Variants in LRP12 observed in about 807,000 individuals in gnomAD.
The protein encoded by LRP12 is LDL receptor related protein 12, also known as low-density lipoprotein receptor-related protein 12.
In LRP12, 14 loss-of-function variants were observed where a neutral mutation model predicts 66.0. The observed-to-expected ratio is 0.21, with a 90% CI of 0.14 to 0.33. LRP12 has a LOEUF of 0.33. Among genes scored for constraint, LRP12 ranks in the 10% least tolerant of loss-of-function variants. The probability of loss-of-function intolerance (pLI) is 1.00; values close to 1 mark genes in which losing one functional copy is unlikely to be tolerated. For missense variants in LRP12, 889 were observed against 1,053.4 expected, an observed-to-expected ratio of 0.84 and a Z score of 2.16; for synonymous variants, 357 against 359.1, an observed-to-expected ratio of 0.99 and a Z score of 0.07.
chr8:104,551,146 G>C lies in LRP12; in HGVS notation c.80-19183C>G, dbSNP rs1811719103. Among the ~76,000 whole-genome samples the C allele has an allele frequency of 2.6e-5, 4 of 152,050 alleles. No individual in the cohort carries two copies. In the South Asian group the frequency reaches 6.2e-4, roughly 24 times the overall value. ...AAATACATACAGTTTCTGAAATTTT[G>C]CCATTGTTGAATATGATGTACCCTT... On this transcript the variant is annotated intron_variant, in intron 1 of 6. Coordinates refer to ENST00000276654, the MANE Select transcript of LRP12 (RefSeq NM_013437.5).
intron 1 of LRP12, among the ~76,000 whole-genome samples, chr8:104,574,026 C>T (rs1361623796): frequency 6.6e-6 from 1 of 152,098 alleles, no homozygotes; most frequent in East Asian, 1.9e-4. Context: ...ATGTAATTTA[C>T]TCCATTTATA....
At chr8:104,521,338 CAT>C (rs1336485994) in intron 2 of LRP12, among the ~76,000 whole-genome samples, 2 of 150,912 alleles carry the variant, frequency 1.3e-5, no homozygotes, top group Non-Finnish European at 3.0e-5. Flanking sequence ...AAAAATATAA[CAT>C]AATTATTTTG....
chr8:104,518,504 G>A (rs1355304065), intron 2 of LRP12, among the ~76,000 whole-genome samples: 3 of 152,004 alleles, frequency 2.0e-5, no homozygotes, highest in Non-Finnish European at 4.4e-5. Flanking sequence ...GAAGGGAGCC[G>A]TTTCAATAGC....
At chr8:104,503,065 T>C (rs1810852672) in intron 3 of LRP12, among the ~76,000 whole-genome samples, 1 of 152,134 alleles carries the variant, frequency 6.6e-6, no homozygotes, top group Admixed American at 6.5e-5. Context: ...AATTTTAGTC[T>C]TGATGAAGTC....
chr8:104,510,231 T>A (rs1810971088), intron 2 of LRP12, among the ~76,000 whole-genome samples: 1 of 152,182 alleles, frequency 6.6e-6, no homozygotes, highest in African/African-American at 2.4e-5. Flanking sequence ...TGTTAAGAAG[T>A]TAGTGGATGA....
At chr8:104,568,493 A>C (rs1378082969) in intron 1 of LRP12, among the ~76,000 whole-genome samples, 1 of 152,168 alleles carries the variant, frequency 6.6e-6, no homozygotes, top group East Asian at 1.9e-4. Context: ...AACAAACTAC[A>C]AAACAGGATA....
intron 3 of LRP12, chr8:104,504,629 G>C (rs1319722861): frequency 3.3e-5 from 5 of 152,052 alleles, no homozygotes; most frequent in Non-Finnish European, 7.4e-5. Flanking sequence ...ATTGTGGTAA[G>C]AAAACACAAT....
rs996824460 is a variant in LRP12 at position 104,490,524 on chromosome 8, C to T, written c.*149G>A. 6 of 836,362 alleles carry T rather than the reference C, an allele frequency of 7.2e-6. No individual in the cohort carries two copies. Among genetic ancestry groups the T allele is most frequent in the Middle Eastern group, 3.7e-4 (1 of 2,708 alleles). The allele number at this position is 836,362 out of a possible 1,614,324, so 51.8% of individuals were successfully genotyped here. A position where few individuals can be genotyped will look rare whatever the true frequency, so the allele number is the denominator to read the frequency against. ...CTAAGTTCATAGAGTTACAAGTTGT[C>T]GAATTTAACCATGCAGGCTAACATA... On this transcript the variant is annotated 3_prime_UTR_variant, in exon 7 of 7. Coordinates refer to ENST00000276654, the MANE Select transcript of LRP12 (RefSeq NM_013437.5).
At position 104,497,257 on chromosome 8, in the gene LRP12, C is replaced by T. The variant is rs1810743955; in HGVS notation, c.1295G>A (p.Arg432His). 5 of 1,614,086 alleles carry T rather than the reference C, an allele frequency of 3.1e-6. No individual in the cohort carries two copies. Among genetic ancestry groups the T allele is most frequent in the Non-Finnish European group, 4.2e-6 (5 of 1,180,022 alleles). ...TGGGCAATGATTCTGGTAGTTGCAG[C>T]GATCAGAACGAGGATAACAGACACC... Reference protein sequence around the residue: ...RNGVCYPRSDRCNYQNHCPNG... With the variant: ...RNGVCYPRSDHCNYQNHCPNG... Residue 432 changes from arginine to histidine, a missense_variant, in exon 5 of 7, where the codon CGC becomes CAC. By Grantham distance (29) the Arg-to-His change is conservative. Around this residue, in one of 3 missense-constraint regions of LRP12, gnomAD observed 800 missense variants for 964.5 expected, o/e 0.83. Transcript: ENST00000276654. The surrounding 1 kb of genome is among the most constrained non-coding windows in gnomAD (Gnocchi z 4.3).
At chr8:104,548,166 T>TATATA (rs1156285546) in intron 1 of LRP12, among the ~76,000 whole-genome samples, 3 of 52,112 alleles carry the variant, frequency 5.8e-5, no homozygotes, top group Non-Finnish European at 9.2e-5. Flanking sequence ...ATAATTATTA[T>TATATA]ATATAATATA....
chr8:104,519,636 C>G (rs1273744219), intron 2 of LRP12, among the ~76,000 whole-genome samples: 2 of 151,790 alleles, frequency 1.3e-5, no homozygotes, highest in African/African-American at 4.8e-5. Flanking sequence ...ATTTACTAGT[C>G]TAAGATGGGA....
At chr8:104,510,123 A>T (rs1175416152) in intron 2 of LRP12, among the ~76,000 whole-genome samples, 1 of 152,186 alleles carries the variant, frequency 6.6e-6, no homozygotes, top group Non-Finnish European at 1.5e-5. Flanking sequence ...TACCTTTCCA[A>T]TATTTGCTTA....
chr8:104,571,848 C>A (rs971763527), intron 1 of LRP12, among the ~76,000 whole-genome samples: 1 of 152,210 alleles, frequency 6.6e-6, no homozygotes, highest in Non-Finnish European at 1.5e-5. Context: ...CATTCCAACA[C>A]CATCCTCCCT....
intron 1 of LRP12, among the ~76,000 whole-genome samples, chr8:104,581,581 A>G (rs1291867715): frequency 1.3e-5 from 2 of 152,152 alleles, no homozygotes; most frequent in Admixed American, 1.3e-4. Flanking sequence ...AGTTTAATTT[A>G]TATTTTAAGA....
rs1810632946 is a variant in LRP12 at position 104,491,629 on chromosome 8, G to A, written c.1714-90C>T. ...AACACCCTTCTATTAAGAATGTGTT[G>A]TGGTTAAAAATTCTGTTACTCATTG... On this transcript the variant is annotated intron_variant, in intron 6 of 6. Transcript: ENST00000276654. 2.9e-5 allele frequency: 32 copies of A among 1,089,964 alleles called. No homozygotes were observed. The South Asian group carries it at 5.0e-4, about 17-fold the overall frequency. 67.5% of individuals were successfully genotyped at this position (1,089,964 alleles called of 1,614,324 possible).
chr8:104,510,519 T>C (rs1469620195), intron 2 of LRP12, among the ~76,000 whole-genome samples: 1 of 152,210 alleles, frequency 6.6e-6, no homozygotes, highest in African/African-American at 2.4e-5. Flanking sequence ...TAGTTAACAT[T>C]ATCCAGAATT....
chr8:104,511,946 C>T (rs1327452221), intron 2 of LRP12, among the ~76,000 whole-genome samples: 1 of 151,440 alleles, frequency 6.6e-6, no homozygotes, highest in African/African-American at 2.4e-5. Context: ...ATCTCCCTTA[C>T]AAAAAAGTTT....
intron 1 of LRP12, chr8:104,566,168 CA>C: frequency 1.6e-6 from 1 of 628,614 alleles, no homozygotes; most frequent in Non-Finnish European, 2.5e-6. Flanking sequence ...ATATTGTACA[CA>C]AAGATTCTTG....
Position 104,497,393 on chromosome 8 carries a change from C to T in LRP12, c.1159G>A (p.Gly387Arg), listed in dbSNP as rs375389288. ...CAACGCTGCTGCTCAGTATAACACC[C>T]CCAGTTACCTCCACAGGGTATTTCC... Reference protein sequence around the residue: ...PWEIPCGGNWGCYTEQQRCDG... With the variant: ...PWEIPCGGNWRCYTEQQRCDG... Residue 387 changes from glycine to arginine, a missense_variant, in exon 5 of 7, where the codon GGG (glycine) becomes AGG (arginine). Coordinates refer to ENST00000276654, the MANE Select transcript of LRP12 (RefSeq NM_013437.5). The surrounding 1 kb of genome is among the most constrained non-coding windows in gnomAD (Gnocchi z 4.3). The T allele has an allele frequency of 1.9e-5, 31 of 1,613,966 alleles. No homozygotes were observed. The South Asian group carries it at 3.4e-4, about 18-fold the overall frequency.
Sources: allele counts gnomAD v4.1 joint callset (sites outside exome capture counted in the v4.1 genomes callset), GRCh38; gene constraint gnomAD v4.1.1; regional missense constraint gnomAD v4.1.1; non-coding constraint Gnocchi (gnomAD v3.1); transcripts MANE v1.5; gene names NCBI Gene and HGNC (gene_info 2026-07-23, HGNC 2026-07-21).